Variants in PPIL6 observed in about 807,000 individuals in gnomAD.
PPIL6 encodes probable inactive peptidyl-prolyl cis-trans isomerase-like 6.
PPIL6 carries 39 observed loss-of-function variants against 36.8 expected under a neutral mutation model. The ratio of observed to expected loss-of-function variants is 1.06; its 90% CI spans 0.82 to 1.38. The LOEUF is 1.38. Among genes scored for constraint, PPIL6 ranks in the 40% most tolerant of loss-of-function variants. The pLI, the probability that PPIL6 is intolerant of heterozygous loss-of-function variation, is 0.00. For missense variants in PPIL6, 368 were observed against 379.1 expected (o/e 0.97, Z 0.24); for synonymous variants, 123 against 134.1 (o/e 0.92, Z 0.57).
At chr6:109,412,680 C>T (rs1348859333) in intron 6 of PPIL6, among the ~76,000 whole-genome samples, 1 of 152,070 alleles carries the variant, frequency 6.6e-6, no homozygotes, top group Non-Finnish European at 1.5e-5. Context: ...ACTGGATATC[C>T]ATATGCAAAA....
At position 109,417,833 on chromosome 6, in the gene PPIL6, C is replaced by T. The variant is rs149906625; in HGVS notation, c.688+1354G>A. 3.4e-3 allele frequency among the ~76,000 whole-genome samples: 525 copies of T among 152,308 alleles called. 2 individuals are homozygous for T. The highest frequency in any genetic ancestry group is 0.012 in the African/African-American group (495 of 41,566). ...GGACTCTTGTTACTGATCGCTATAG[C>T]CAAGGATAATCATTTCAAAACAATT... On this transcript the variant is annotated intron_variant, in intron 6 of 7. Coordinates refer to ENST00000521072, the MANE Select transcript of PPIL6 (RefSeq NM_173672.5).
At chr6:109,408,042 A>G (rs1028529316) in intron 6 of PPIL6, among the ~76,000 whole-genome samples, 6 of 152,212 alleles carry the variant, frequency 3.9e-5, no homozygotes, top group African/African-American at 1.4e-4. Flanking sequence ...CTCTCTTATT[A>G]TTAATATTTG....
chr6:109,400,193 G>C, intron 6 of PPIL6, 23 bp from the exon 7 acceptor site: 1 of 1,589,608 alleles, frequency 6.3e-7, no homozygotes, highest in Non-Finnish European at 8.6e-7. Context: ...ATAATCAGTA[G>C]GTCATTAGCA....
At chr6:109,401,197 C>T (rs1381712534) in intron 6 of PPIL6, among the ~76,000 whole-genome samples, 2 of 151,990 alleles carry the variant, frequency 1.3e-5, no homozygotes, top group Non-Finnish European at 2.9e-5. Context: ...AAATTTTAAT[C>T]TGAAACCTTA....
intron 1 of PPIL6, among the ~76,000 whole-genome samples, chr6:109,437,344 T>TG (rs1774501433): frequency 2.0e-5 from 3 of 152,232 alleles, no homozygotes; most frequent in East Asian, 3.9e-4. Flanking sequence ...GGTGCTGGCC[T>TG]AGCACAGGTC....
intron 5 of PPIL6, among the ~76,000 whole-genome samples, chr6:109,426,517 C>A (rs1773822254): frequency 6.6e-6 from 1 of 152,024 alleles, no homozygotes; most frequent in South Asian, 2.1e-4. Context: ...TTATTAAAAC[C>A]GCTGTATTTC....
At chr6:109,428,082 A>G (rs1391231340) in intron 3 of PPIL6, among the ~76,000 whole-genome samples, 1 of 152,218 alleles carries the variant, frequency 6.6e-6, no homozygotes, top group African/African-American at 2.4e-5. Flanking sequence ...TCATGTGCAC[A>G]GATGCCCTCA....
At chr6:109,419,097 G>A in intron 6 of PPIL6, 90 bp downstream of exon 6, 1 of 828,180 alleles carries the variant, frequency 1.2e-6, no homozygotes, top group Non-Finnish European at 2.1e-6. Context: ...TGCCCCCAGT[G>A]ATATCTTATT....
chr6:109,419,840 T>C (rs530826326), intron 5 of PPIL6, among the ~76,000 whole-genome samples: 62 of 152,332 alleles, frequency 4.1e-4, no homozygotes, highest in Admixed American at 1.3e-3. Context: ...TCACTTGTAT[T>C]TTATAAGCAC....
chr6:109,392,805 C>G lies in PPIL6; in HGVS notation c.*21G>C. 4 of 1,264,676 alleles carry G rather than the reference C, an allele frequency of 3.2e-6. No homozygotes were observed. The highest frequency in any genetic ancestry group is 4.5e-6 in the Non-Finnish European group (4 of 884,588). The allele number at this position is 1,264,676 out of a possible 1,614,324, so 78.3% of individuals were successfully genotyped here. ...TCAGATACAAAGTAATAAATTATCA[C>G]AGAAAATATTGATATGAAAATCAAG... On this transcript the variant is annotated 3_prime_UTR_variant, in exon 8 of 8. Transcript: ENST00000521072.
intron 7 of PPIL6, 91 bp from the exon 8 acceptor site, chr6:109,393,028 C>A: frequency 2.8e-6 from 2 of 705,780 alleles, no homozygotes; most frequent in South Asian, 3.5e-5. Context: ...CCAGCTATAG[C>A]TAAGACTATT....
chr6:109,415,111 C>G (rs1199516344), intron 6 of PPIL6, among the ~76,000 whole-genome samples: 6 of 152,050 alleles, frequency 3.9e-5, no homozygotes, highest in Non-Finnish European at 8.8e-5. Context: ...GTGGCAGAGG[C>G]AGAGAGGTGG....
Position 109,391,012 on chromosome 6 carries a change from T to A in PPIL6, c.*1814A>T, listed in dbSNP as rs941838501. On this transcript the variant is annotated 3_prime_UTR_variant, in exon 8 of 8. Coordinates refer to ENST00000521072, the MANE Select transcript of PPIL6 (RefSeq NM_173672.5). ...GGTAAGAAAAGCACTCTCAGCCGGG[T>A]GCGGTGGCTCACGCCTTTGTAATCT... 3 of 152,012 alleles carry A rather than the reference T, an allele frequency of 2.0e-5. No homozygotes were observed. The East Asian group carries it at 5.8e-4, about 30-fold the overall frequency. 9.4% of individuals were successfully genotyped at this position (152,012 alleles called of 1,614,324 possible).
In PPIL6 at chr6:109,419,241, T is replaced by C; in HGVS notation, c.634A>G (p.Ile212Val). The change falls in exon 6 of 8, where the codon ATA (isoleucine) becomes GTA (valine). Residue 212 changes from isoleucine to valine, a missense_variant and splice_region_variant. Ile to Val is a conservative substitution (Grantham distance 29, BLOSUM62 3). Transcript: ENST00000521072. ...VQNGWIQGGD[I>V]VYGKGDNGES... ...CCATTATCTCCTTTTCCATACACTA[T>C]ATCTGAGAAATAGCAACAAATAAAC... The C allele has an allele frequency of 1.3e-6, 2 of 1,532,722 alleles. No homozygotes were observed. The highest frequency in any genetic ancestry group is 9.0e-7 in the Non-Finnish European group (1 of 1,106,632). The allele number at this position is 1,532,722 out of a possible 1,614,324, so 94.9% of individuals were successfully genotyped here. A position where few individuals can be genotyped will look rare whatever the true frequency, so the allele number is the denominator to read the frequency against.
intron 7 of PPIL6, 98 bp from the exon 8 acceptor site, chr6:109,393,035 T>C (rs1470397505): frequency 1.5e-6 from 1 of 680,876 alleles, no homozygotes; most frequent in Admixed American, 2.5e-5. Flanking sequence ...TAGCTAAGAC[T>C]ATTTCCTACA....
chr6:109,436,689 C>T (rs1369411334), intron 1 of PPIL6, among the ~76,000 whole-genome samples: 1 of 152,086 alleles, frequency 6.6e-6, no homozygotes, highest in African/African-American at 2.4e-5. Context: ...CCACTGCACT[C>T]CAGCCTGGGT....
intron 6 of PPIL6, among the ~76,000 whole-genome samples, chr6:109,405,259 C>T (rs530263384): frequency 3.0e-4 from 45 of 152,182 alleles, no homozygotes; most frequent in African/African-American, 8.9e-4. Flanking sequence ...ATCATTCCCC[C>T]GACTTTTATA....
rs1435101376 is a variant in PPIL6 at position 109,413,775 on chromosome 6, T to A, written c.688+5412A>T. 6.6e-6 allele frequency among the ~76,000 whole-genome samples: 1 copy of A among 152,228 alleles called. No individual in the cohort carries two copies. The highest frequency in any genetic ancestry group is 2.4e-5 in the African/African-American group (1 of 41,478). ...GTACATATACACAATGGAATACTAT[T>A]CAGCCATAAAAAAGAATGAGATCCA... On this transcript the variant is annotated intron_variant, in intron 6 of 7. Transcript: ENST00000521072. This position sits in a 1 kb window ranked among gnomAD's most constrained non-coding sequence, Gnocchi z 4.6.
chr6:109,440,451 G>A lies in PPIL6; in HGVS notation c.135+5C>T. 1 of 1,541,140 alleles carries A rather than the reference G, an allele frequency of 6.5e-7. No homozygotes were observed. The highest frequency in any genetic ancestry group is 8.8e-7 in the Non-Finnish European group (1 of 1,142,078). ...CGCCCACGACGGAGGTTTCTCTGTG[G>A]TTACCTCAGCGGCGCTCTTCGCAAT... On this transcript the variant is annotated splice_donor_5th_base_variant and intron_variant, in intron 1 of 7. Coordinates refer to ENST00000521072, the MANE Select transcript of PPIL6 (RefSeq NM_173672.5).
Sources: allele counts gnomAD v4.1 joint callset (sites outside exome capture counted in the v4.1 genomes callset), GRCh38; gene constraint gnomAD v4.1.1; non-coding constraint Gnocchi (gnomAD v3.1); transcripts MANE v1.5; gene names NCBI Gene and HGNC (gene_info 2026-07-23, HGNC 2026-07-21).